LRRC4C: variants seen among roughly 807,000 people sequenced by gnomAD.
The protein encoded by LRRC4C is leucine rich repeat containing 4C.
In LRRC4C, 5 loss-of-function variants were observed where a neutral mutation model predicts 33.6. The ratio of observed to expected loss-of-function variants is 0.15; its 90% CI spans 0.08 to 0.31. The LOEUF is 0.31. Among genes scored for constraint, LRRC4C ranks in the 10% least tolerant of loss-of-function variants. The probability of loss-of-function intolerance (pLI) is 1.00; values close to 1 mark genes in which losing one functional copy is unlikely to be tolerated. For synonymous variants in LRRC4C, 329 were observed against 302.0 expected (o/e 1.09, Z -0.93); for missense variants, 560 against 796.7 (o/e 0.70, Z 3.58).
At chr11:41,091,626 T>A (rs77105907) in intron 1 of LRRC4C, among the ~76,000 whole-genome samples, 1 of 152,140 alleles carries the variant, frequency 6.6e-6, no homozygotes, top group Non-Finnish European at 1.5e-5. Flanking sequence ...GACTACTATT[T>A]GAGCAAAACT....
At chr11:40,801,496 C>T (rs2135284223) in intron 2 of LRRC4C, among the ~76,000 whole-genome samples, 1 of 152,272 alleles carries the variant, frequency 6.6e-6, no homozygotes, top group South Asian at 2.1e-4. Flanking sequence ...AAGATTTTTA[C>T]CCCCATGTGG....
chr11:40,273,318 A>T (rs1035702952), intron 4 of LRRC4C, among the ~76,000 whole-genome samples: 1 of 152,088 alleles, frequency 6.6e-6, no homozygotes, highest in African/African-American at 2.4e-5. Flanking sequence ...ACAATGACAA[A>T]GGCAACTAGT....
At chr11:40,263,981 G>A (rs183941456) in intron 4 of LRRC4C, among the ~76,000 whole-genome samples, 143 of 152,270 alleles carry the variant, frequency 9.4e-4, no homozygotes, top group Non-Finnish European at 3.4e-4. Context: ...AAGAAAGCAT[G>A]GCTGAGTGGT....
At chr11:40,943,395 A>G (rs1218219018) in intron 1 of LRRC4C, among the ~76,000 whole-genome samples, 2 of 152,144 alleles carry the variant, frequency 1.3e-5, no homozygotes, top group Admixed American at 6.6e-5. Flanking sequence ...CTTAACCACT[A>G]TTCTCCATTA....
Position 40,510,749 on chromosome 11 carries a change from G to A in LRRC4C, c.-270+137393C>T, listed in dbSNP as rs72899065. On this transcript the variant is annotated intron_variant, in intron 3 of 6. Coordinates refer to ENST00000528697, the MANE Select transcript of LRRC4C (RefSeq NM_001258419.2). Reference sequence around the variant, plus strand: ...CCTAGTTGCCTCAGTTGATATACATGGGAAAACCATTGCAGGACTTTGAAG... The same window carrying A: ...CCTAGTTGCCTCAGTTGATATACATAGGAAAACCATTGCAGGACTTTGAAG... Among the ~76,000 whole-genome samples the A allele has an allele frequency of 3.5e-3, 540 of 152,246 alleles. 2 individuals carry two copies. The highest frequency in any genetic ancestry group is 6.0e-3 in the Non-Finnish European group (406 of 68,008).
intron 2 of LRRC4C, among the ~76,000 whole-genome samples, chr11:40,842,847 A>G (rs1200932263): frequency 6.6e-6 from 1 of 152,142 alleles, no homozygotes; most frequent in Admixed American, 6.6e-5. Flanking sequence ...CACCTAAACA[A>G]CTGATTCTAC....
At chr11:41,287,243 T>C (rs189061805) in intron 1 of LRRC4C, among the ~76,000 whole-genome samples, 74 of 152,308 alleles carry the variant, frequency 4.9e-4, no homozygotes, top group African/African-American at 1.6e-3. Context: ...GGTTATTACA[T>C]AGAAAGAACT....
intron 1 of LRRC4C, among the ~76,000 whole-genome samples, chr11:41,255,803 G>C (rs571763007): frequency 6.6e-6 from 1 of 152,052 alleles, no homozygotes; most frequent in South Asian, 2.1e-4. Flanking sequence ...GTCCCAGTAT[G>C]CTGCCAACTA....
At chr11:40,763,362 C>T (rs1347485701) in intron 2 of LRRC4C, among the ~76,000 whole-genome samples, 1 of 151,944 alleles carries the variant, frequency 6.6e-6, no homozygotes, top group Non-Finnish European at 1.5e-5. Context: ...GAATAACTAT[C>T]AAGAAATATA....
intron 3 of LRRC4C, among the ~76,000 whole-genome samples, chr11:40,628,718 T>A (rs571186658): frequency 9.2e-5 from 14 of 152,272 alleles, no homozygotes; most frequent in African/African-American, 3.4e-4. Context: ...ACTTGACAAT[T>A]TCAGAAGTGT....
At chr11:40,793,616 A>T (rs1950712800) in intron 2 of LRRC4C, among the ~76,000 whole-genome samples, 1 of 152,200 alleles carries the variant, frequency 6.6e-6, no homozygotes, top group Admixed American at 6.5e-5. Context: ...AGGCACAGAG[A>T]GGTCAAGTAA....
chr11:41,076,987 C>T (rs534853722), intron 1 of LRRC4C, among the ~76,000 whole-genome samples: 9 of 152,264 alleles, frequency 5.9e-5, no homozygotes, highest in African/African-American at 1.4e-4. Context: ...AAAACCAGGC[C>T]GGGCAGTCAT....
At chr11:40,613,904 A>T (rs1273559786) in intron 3 of LRRC4C, among the ~76,000 whole-genome samples, 1 of 151,852 alleles carries the variant, frequency 6.6e-6, no homozygotes, top group Admixed American at 6.6e-5. Context: ...TCTGATCAGT[A>T]GGTCTCAACA....
intron 1 of LRRC4C, among the ~76,000 whole-genome samples, chr11:41,401,609 G>C (rs1954028888): frequency 2.0e-5 from 3 of 151,912 alleles, no homozygotes; most frequent in Admixed American, 2.0e-4. Flanking sequence ...GAAACAGTAA[G>C]AGTGGAGTAA....
rs1451663663 is a variant in LRRC4C, at chr11:40,409,091, T to C, written c.-269-89370A>G. 1.4e-4 allele frequency among the ~76,000 whole-genome samples: 21 copies of C among 151,848 alleles called. 1 individual carries two copies. Among genetic ancestry groups the C allele is most frequent in the South Asian group, 2.1e-4 (1 of 4,820 alleles). ...TGAAACAGAATAGAGAGCCCAGAAATCCACACATTTATGGTCAATTGATTT... is the reference window on the plus strand; with the variant it reads ...TGAAACAGAATAGAGAGCCCAGAAACCCACACATTTATGGTCAATTGATTT... On this transcript the variant is annotated intron_variant, in intron 3 of 6. Coordinates refer to ENST00000528697, the MANE Select transcript of LRRC4C (RefSeq NM_001258419.2).
At chr11:40,977,388 T>C (rs138887729) in intron 1 of LRRC4C, among the ~76,000 whole-genome samples, 187 of 152,294 alleles carry the variant, frequency 1.2e-3, no homozygotes, top group African/African-American at 4.3e-3. Context: ...TTCAAACTTG[T>C]GCTTTTTCAA....
At chr11:41,240,701 A>T (rs7115564) in intron 1 of LRRC4C, among the ~76,000 whole-genome samples, 21,093 of 152,160 alleles carry the variant, frequency 0.14, 1,597 homozygotes, top group Middle Eastern at 0.24. Context: ...TTTCTTGCTG[A>T]TAAATTGGGA....
intron 4 of LRRC4C, among the ~76,000 whole-genome samples, chr11:40,263,478 G>C (rs1314342016): frequency 6.6e-6 from 1 of 152,030 alleles, no homozygotes; most frequent in African/African-American, 2.4e-5. Context: ...TATCCTACAG[G>C]AATGGAAGTC....
intron 3 of LRRC4C, among the ~76,000 whole-genome samples, chr11:40,415,810 A>G (rs1950304805): frequency 6.6e-6 from 1 of 152,114 alleles, no homozygotes; most frequent in Non-Finnish European, 1.5e-5. Context: ...GAAAGTAGAG[A>G]GTGTGGATAG....
Sources: allele counts gnomAD v4.1 joint callset (sites outside exome capture counted in the v4.1 genomes callset), GRCh38; gene constraint gnomAD v4.1.1; transcripts MANE v1.5; gene names NCBI Gene and HGNC (gene_info 2026-07-23, HGNC 2026-07-21).